The following PRUNE2 variants were observed in gnomAD, a reference collection of about 807,000 sequenced individuals.
PRUNE2 encodes protein prune homolog 2.
PRUNE2 carries 164 observed loss-of-function variants against 252.0 expected under a neutral mutation model. That is an observed-to-expected ratio of 0.65 (90% CI 0.57 to 0.74). PRUNE2 has a LOEUF of 0.74. Among genes scored for constraint, PRUNE2 ranks in the 30% least tolerant of loss-of-function variants. The probability of loss-of-function intolerance (pLI) is 0.00; values close to 1 mark genes in which losing one functional copy is unlikely to be tolerated. For synonymous variants in PRUNE2, 1,292 were observed against 1,350.2 expected, an observed-to-expected ratio of 0.96 and a Z score of 0.94; for missense variants, 3,495 against 3,711.0, an observed-to-expected ratio of 0.94 and a Z score of 1.51.
intron 6 of PRUNE2, among the ~76,000 whole-genome samples, chr9:76,774,227 C>T (rs957678437): frequency 1.3e-5 from 2 of 151,960 alleles, no homozygotes; most frequent in Admixed American, 6.5e-5. Flanking sequence ...CCTCAACCTC[C>T]TAGGCTCAAG....
chr9:76,757,528 C>T lies in PRUNE2; in HGVS notation c.757-43807G>A, dbSNP rs573363280. Among the ~76,000 whole-genome samples the T allele has an allele frequency of 1.7e-4, 26 of 152,260 alleles. No individual in the cohort carries two copies. In the South Asian group the frequency reaches 3.5e-3, roughly 21 times the overall value. ...CTATAAACCATTCTAAGTTTTTCTGCTTGAGATGACTAATATTAGAGAATG... is the reference window on the plus strand; with the variant it reads ...CTATAAACCATTCTAAGTTTTTCTGTTTGAGATGACTAATATTAGAGAATG... On this transcript the variant is annotated intron_variant, in intron 6 of 18. Transcript: ENST00000376718.
intron 9 of PRUNE2, among the ~76,000 whole-genome samples, chr9:76,666,534 TCC>T (rs1331512069): frequency 1.3e-5 from 2 of 152,154 alleles, no homozygotes; most frequent in Non-Finnish European, 2.9e-5. Context: ...CCTCTCTCTC[TCC>T]CTCTCTCTCT....
intron 11 of PRUNE2, among the ~76,000 whole-genome samples, chr9:76,646,018 C>G (rs1844691901): frequency 6.6e-6 from 1 of 152,190 alleles, no homozygotes; most frequent in Non-Finnish European, 1.5e-5. Flanking sequence ...TGCCTCAGAT[C>G]ACAGTTACTA....
intron 4 of PRUNE2, among the ~76,000 whole-genome samples, chr9:76,838,708 C>T: frequency 8.2e-6 from 1 of 121,378 alleles, no homozygotes; most frequent in South Asian, 2.7e-4. Flanking sequence ...CTATGGGGTA[C>T]ACACAGTGAT....
intron 1 of PRUNE2, among the ~76,000 whole-genome samples, chr9:76,859,571 C>T (rs112311864): frequency 0.013 from 2,040 of 152,108 alleles, 22 homozygotes; most frequent in Middle Eastern, 0.044. Context: ...ACCAATGCAC[C>T]GAGAATAGCA....
intron 6 of PRUNE2, among the ~76,000 whole-genome samples, chr9:76,744,600 T>C (rs1462922180): frequency 1.3e-5 from 2 of 152,166 alleles, no homozygotes; most frequent in African/African-American, 2.4e-5. Context: ...GCTGAGACTG[T>C]TAGTTTACAA....
intron 6 of PRUNE2, among the ~76,000 whole-genome samples, chr9:76,767,076 T>C (rs1366180587): frequency 6.6e-6 from 1 of 152,206 alleles, no homozygotes; most frequent in Non-Finnish European, 1.5e-5. Flanking sequence ...ACATACTTAC[T>C]GATGAATAAA....
rs115387742 is a variant in PRUNE2 at position 76,767,581 on chromosome 9, C to T, written c.757-53860G>A. Among the ~76,000 whole-genome samples the T allele has an allele frequency of 6.6e-3, 1,010 of 152,306 alleles. 11 individuals are homozygous for T. Among genetic ancestry groups the T allele is most frequent in the African/African-American group, 0.023 (952 of 41,558 alleles). On this transcript the variant is annotated intron_variant, in intron 6 of 18. Coordinates refer to ENST00000376718, the MANE Select transcript of PRUNE2 (RefSeq NM_015225.3). ...GAACTATTTTCCAGAACCTTCGCTT[C>T]TGTGACTGCATGACACTACTCTCAT... is the stretch of plus-strand genomic sequence containing the variant.
chr9:76,876,404 T>C (rs1589721070), intron 1 of PRUNE2, among the ~76,000 whole-genome samples: 1 of 152,150 alleles, frequency 6.6e-6, no homozygotes, highest in Non-Finnish European at 1.5e-5. Flanking sequence ...CTGACCCTTT[T>C]TGGGGGCCAG....
rs1199774760 is a variant in PRUNE2 at position 76,619,384 on chromosome 9, A to G, written c.9192T>C (p.Thr3064=). Residue 3064 remains threonine, a synonymous_variant, in exon 18 of 19, where the codon ACT becomes ACC. Coordinates refer to ENST00000376718, the MANE Select transcript of PRUNE2 (RefSeq NM_015225.3). ...TTTCTGGATCATTGTAAAGGCAGCTAGTTCTGAGTGCAAGGAAAAAATAGG... is the reference window on the plus strand; with the variant it reads ...TTTCTGGATCATTGTAAAGGCAGCTGGTTCTGAGTGCAAGGAAAAAATAGG... The part of the protein sequence containing the change: ...ELREASEAAK[T]SCLYNDPEMS... 1.2e-6 allele frequency: 2 copies of G among 1,604,512 alleles called. No homozygotes were observed. Among genetic ancestry groups the G allele is most frequent in the Admixed American group, 1.7e-5 (1 of 59,294 alleles).
In PRUNE2 at chr9:76,785,522, G is replaced by A. The variant is rs944280219; in HGVS notation, c.756+38110C>T. The A allele has an allele frequency of 2.0e-5, 3 of 152,172 alleles. No homozygotes were observed. The East Asian group carries it at 5.8e-4, about 29-fold the overall frequency. The allele number at this position is 152,172 out of a possible 1,614,324, so 9.4% of individuals were successfully genotyped here. A position where few individuals can be genotyped will look rare whatever the true frequency, so the allele number is the denominator to read the frequency against. On this transcript the variant is annotated intron_variant, in intron 6 of 18. Coordinates refer to ENST00000376718, the MANE Select transcript of PRUNE2 (RefSeq NM_015225.3). ...ACAAGCTTTTCACAGAATTCATGCA[G>A]TGCAAATCCCCAAAGGTAACCTTTA... is the stretch of plus-strand genomic sequence containing the variant.
At chr9:76,840,733 C>A (rs1012715840) in intron 4 of PRUNE2, among the ~76,000 whole-genome samples, 4 of 152,134 alleles carry the variant, frequency 2.6e-5, no homozygotes, top group African/African-American at 9.7e-5. Context: ...GTAATCCCAG[C>A]ACTTTGGGAG....
intron 6 of PRUNE2, among the ~76,000 whole-genome samples, chr9:76,810,230 G>T (rs12375777): frequency 0.13 from 19,777 of 152,174 alleles, 1,428 homozygotes; most frequent in East Asian, 0.2. Context: ...TTTTCTAGAA[G>T]AGTCTTCTAA....
chr9:76,836,806 T>G (rs2059007012), intron 4 of PRUNE2, among the ~76,000 whole-genome samples: 1 of 152,216 alleles, frequency 6.6e-6, no homozygotes, highest in Non-Finnish European at 1.5e-5. Context: ...TATCCATGAC[T>G]GTCCTGCTAG....
intron 9 of PRUNE2, among the ~76,000 whole-genome samples, chr9:76,657,416 T>C (rs1470023360): frequency 6.6e-6 from 1 of 152,222 alleles, no homozygotes; most frequent in Non-Finnish European, 1.5e-5. Flanking sequence ...TCAAAATAAA[T>C]ATGATGGTTT....
At chr9:76,866,905 G>A (rs900752662) in intron 1 of PRUNE2, among the ~76,000 whole-genome samples, 10 of 152,094 alleles carry the variant, frequency 6.6e-5, no homozygotes, top group South Asian at 2.1e-4. Context: ...CTTTCCGCCC[G>A]GTGCTGTGAA....
chr9:76,712,626 A>C (rs2046824835), intron 7 of PRUNE2, among the ~76,000 whole-genome samples: 1 of 152,238 alleles, frequency 6.6e-6, no homozygotes, highest in Non-Finnish European at 1.5e-5. Flanking sequence ...GCTAAAAGTG[A>C]TGTGAAAGCC....
chr9:76,783,424 A>G (rs981906415), intron 6 of PRUNE2, among the ~76,000 whole-genome samples: 1 of 152,194 alleles, frequency 6.6e-6, no homozygotes, highest in Non-Finnish European at 1.5e-5. Context: ...GGTGTGAGCC[A>G]CTGCTCCCCA....
At chr9:76,807,049 T>C (rs867383983) in intron 6 of PRUNE2, among the ~76,000 whole-genome samples, 125 of 132,204 alleles carry the variant, frequency 9.5e-4, no homozygotes, top group Non-Finnish European at 1.6e-3. Flanking sequence ...TGTGTGTGTG[T>C]GTGCGCGCGC....
Sources: allele counts gnomAD v4.1 joint callset (sites outside exome capture counted in the v4.1 genomes callset), GRCh38; gene constraint gnomAD v4.1.1; transcripts MANE v1.5; gene names NCBI Gene and HGNC (gene_info 2026-07-23, HGNC 2026-07-21).